SLC1A5: variants seen among roughly 807,000 people sequenced by gnomAD.
SLC1A5 encodes solute carrier family 1 member 5.
A neutral mutation model predicts 34.9 loss-of-function variants in SLC1A5; 25 were observed. The ratio of observed to expected loss-of-function variants is 0.72; its 90% CI spans 0.52 to 1.00. The LOEUF is 1.00. Among genes scored for constraint, SLC1A5 ranks in the 50% least tolerant of loss-of-function variants. The pLI, the probability that SLC1A5 is intolerant of heterozygous loss-of-function variation, is 0.00. For synonymous variants in SLC1A5, 351 were observed against 341.2 expected (o/e 1.03, Z -0.32); for missense variants, 637 against 740.0 (o/e 0.86, Z 1.61).
intron 4 of SLC1A5, among the ~76,000 whole-genome samples, chr19:46,781,968 A>G (rs1241292097): frequency 2.0e-5 from 3 of 152,114 alleles, no homozygotes; most frequent in African/African-American, 7.2e-5. Context: ...ATCTCCGCTT[A>G]CTGCAACTTC....
In SLC1A5 at chr19:46,782,478, C is replaced by T. The variant is rs770651202; in HGVS notation, c.729G>A (p.Val243=). The T allele has an allele frequency of 1.0e-4, 169 of 1,613,972 alleles. 2 individuals are homozygous for T. The highest frequency in any genetic ancestry group is 8.5e-7 in the Non-Finnish European group (1 of 1,180,036). Residue 243 remains valine, a synonymous_variant, in exon 4 of 8, where the codon GTG becomes GTA. Transcript: ENST00000542575. ...CTTCAGGCCCCAGCTTCCGCAGCGC[C>T]ACACCAAAGACGATGGCAAACACTA... is the stretch of plus-strand genomic sequence containing the variant. The part of the protein sequence containing the change: ...GLVVFAIVFG[V]ALRKLGPEGE...
chr19:46,788,360 G>T lies in SLC1A5; in HGVS notation c.-395C>A, dbSNP rs1414763604. On this transcript the variant is annotated 5_prime_UTR_variant, in exon 1 of 8. It adds an upstream start codon to the 5' untranslated region. Transcript: ENST00000542575. ...CAGGAGGCTAGGTTCTGGTGGCGCA[G>T]ATCCCGGACGCCTGGATCCGGGAGG... 1.6e-5 allele frequency: 3 copies of T among 182,476 alleles called. No homozygotes were observed. The highest frequency in any genetic ancestry group is 3.4e-5 in the Non-Finnish European group (3 of 88,832). The allele number at this position is 182,476 out of a possible 1,614,324, so 11.3% of individuals were successfully genotyped here.
In SLC1A5 at chr19:46,777,109, CCT is replaced by C; in HGVS notation, c.1254-2_1254-1del. ...CCACGCTGGACGCTGTGGCCGTGAC[CCT>C]GAGGGAGAAGGTGGGAGGTTAGGCA... On this transcript the variant is annotated splice_acceptor_variant, in intron 6 of 7. Transcript: ENST00000542575. LOFTEE classifies it high-confidence loss of function. 6.2e-7 allele frequency: 1 copy of C among 1,613,442 alleles called. No individual in the cohort carries two copies. The highest frequency in any genetic ancestry group is 8.5e-7 in the Non-Finnish European group (1 of 1,179,780).
intron 4 of SLC1A5, among the ~76,000 whole-genome samples, chr19:46,780,958 C>T (rs1305617864): frequency 6.6e-6 from 1 of 151,812 alleles, no homozygotes; most frequent in African/African-American, 2.4e-5. Flanking sequence ...GGCGACAGAG[C>T]AAGACTCTGT....
intron 4 of SLC1A5, 79 bp downstream of exon 4, chr19:46,782,304 A>T: frequency 7.6e-7 from 1 of 1,316,072 alleles, no homozygotes; most frequent in Non-Finnish European, 1.1e-6. Flanking sequence ...CATCCCAAAC[A>T]GAATGCCCCG....
At position 46,775,288 on chromosome 19, in the gene SLC1A5, G is replaced by T; in HGVS notation, c.*222C>A. On this transcript the variant is annotated 3_prime_UTR_variant, in exon 8 of 8. Transcript: ENST00000542575. ...TGCTGTTTTCTAGCCTTGAGTTGGG[G>T]ACATGAGTGAGAACTGGGGGTTTTG... 7.6e-7 allele frequency: 1 copy of T among 1,308,820 alleles called. No homozygotes were observed. Among genetic ancestry groups the T allele is most frequent in the Non-Finnish European group, 9.7e-7 (1 of 1,027,370 alleles). The allele number at this position is 1,308,820 out of a possible 1,614,324, so 81.1% of individuals were successfully genotyped here. A position where few individuals can be genotyped will look rare whatever the true frequency, so the allele number is the denominator to read the frequency against.
rs1450148070 is a variant in SLC1A5, at chr19:46,788,266, A to G, written c.-301T>C. The G allele has an allele frequency of 5.4e-6, 2 of 372,152 alleles. No homozygotes were observed. The highest frequency in any genetic ancestry group is 9.6e-6 in the Non-Finnish European group (2 of 207,930). The allele number at this position is 372,152 out of a possible 1,614,324, so 23.1% of individuals were successfully genotyped here. On this transcript the variant is annotated 5_prime_UTR_variant, in exon 1 of 8. Transcript: ENST00000542575. ...TGGCCCTAGGAGCTGGGAATACGAG[A>G]GTTTCTCTGGGTGGGACGTGGGGCC...
In SLC1A5 at chr19:46,777,391, G is replaced by C. The variant is rs546396507; in HGVS notation, c.1073C>G (p.Pro358Arg). The change falls in exon 6 of 8, where the codon CCG becomes CGG. Residue 358 changes from proline to arginine, a missense_variant. Transcript: ENST00000542575. ...CTCCTCCACGCACTTCATCATCAGC[G>C]GCAGCGTGGCGGAACTGCAAGGGAT... ...FGTSSSSATLPLMMKCVEENN... is the reference protein window; with the variant it reads ...FGTSSSSATLRLMMKCVEENN... 1 of 1,608,550 alleles carries C rather than the reference G, an allele frequency of 6.2e-7. No homozygotes were observed. The highest frequency in any genetic ancestry group is 8.5e-7 in the Non-Finnish European group (1 of 1,177,446).
In SLC1A5 at chr19:46,782,469, C is replaced by A; in HGVS notation, c.738G>T (p.Arg246=). 1 of 1,614,000 alleles carries A rather than the reference C, an allele frequency of 6.2e-7. No individual in the cohort carries two copies. Among genetic ancestry groups the A allele is most frequent in the Non-Finnish European group, 8.5e-7 (1 of 1,180,006 alleles). The part of the protein sequence containing the change: ...VFAIVFGVAL[R]KLGPEGELLI... Reference sequence around the variant, plus strand: ...GCAGCTCCCCTTCAGGCCCCAGCTTCCGCAGCGCCACACCAAAGACGATGG... The same window carrying A: ...GCAGCTCCCCTTCAGGCCCCAGCTTACGCAGCGCCACACCAAAGACGATGG... Residue 246 remains arginine (R), a synonymous_variant, in exon 4 of 8, where the codon CGG becomes CGT. Coordinates refer to ENST00000542575, the MANE Select transcript of SLC1A5 (RefSeq NM_005628.3).
chr19:46,777,114 G>A lies in SLC1A5; in HGVS notation c.1254-5C>T, dbSNP rs778347809. 3 of 1,613,164 alleles carry A rather than the reference G, an allele frequency of 1.9e-6. No individual in the cohort carries two copies. In the Admixed American group the frequency reaches 5.0e-5, roughly 27 times the overall value. On this transcript the variant is annotated splice_polypyrimidine_tract_variant and splice_region_variant and intron_variant, in intron 6 of 7. Coordinates refer to ENST00000542575, the MANE Select transcript of SLC1A5 (RefSeq NM_005628.3). ...CTGGACGCTGTGGCCGTGACCCTGAGGGAGAAGGTGGGAGGTTAGGCAGAT... is the reference window on the plus strand; with the variant it reads ...CTGGACGCTGTGGCCGTGACCCTGAAGGAGAAGGTGGGAGGTTAGGCAGAT...
In SLC1A5 at chr19:46,782,489, C is replaced by A; in HGVS notation, c.718G>T (p.Val240Phe). The A allele has an allele frequency of 6.2e-7, 1 of 1,613,958 alleles. No individual in the cohort carries two copies. The highest frequency in any genetic ancestry group is 1.1e-5 in the South Asian group (1 of 91,082). The change falls in exon 4 of 8, where the codon GTC becomes TTC. Residue 240 changes from valine to phenylalanine, a missense_variant. Physicochemically the swap from Val to Phe is conservative, Grantham distance 50. Transcript: ENST00000542575. Reference sequence around the variant, plus strand: ...AGCTTCCGCAGCGCCACACCAAAGACGATGGCAAACACTACCAAGCCCAGG... The same window carrying A: ...AGCTTCCGCAGCGCCACACCAAAGAAGATGGCAAACACTACCAAGCCCAGG... ...NILGLVVFAI[V>F]FGVALRKLGP... is the part of the protein sequence containing the mutation.
At chr19:46,778,948 C>G (rs375494557) in intron 4 of SLC1A5, 40 bp from the exon 5 acceptor site, 2 of 1,460,580 alleles carry the variant, frequency 1.4e-6, no homozygotes, top group African/African-American at 1.4e-5. Flanking sequence ...GCCTCTTCCA[C>G]GGGCCCAGTG....
rs201339820 is a variant in SLC1A5, at chr19:46,779,855, CTCTT to C, written c.825-951_825-948del. 6.9e-3 allele frequency among the ~76,000 whole-genome samples: 1,030 copies of C among 148,814 alleles called. 7 individuals are homozygous for C. The highest frequency in any genetic ancestry group is 0.014 in the Admixed American group (213 of 15,072). On this transcript the variant is annotated intron_variant, in intron 4 of 7. Coordinates refer to ENST00000542575, the MANE Select transcript of SLC1A5 (RefSeq NM_005628.3). ...CAAGACCAGCCTGGGCAACATGTCT[CTCTT>C]TTTTTTTTTTTGAGATGGAGTCTCA...
In SLC1A5 at chr19:46,777,081, C is replaced by T; in HGVS notation, c.1282G>A (p.Ala428Thr). Residue 428 changes from alanine to threonine, a missense_variant, in exon 7 of 8, where the codon GCA (alanine) becomes ACA (threonine). By Grantham distance (58) the Ala-to-Thr change is moderately conservative (BLOSUM62 0). Transcript: ENST00000542575. ...ACACCTCCAGCAGGGATGCCCGCTG[C>T]CCCCACGCTGGACGCTGTGGCCGTG... ...LVTATASSVG[A>T]AGIPAGGVLT... 6.2e-7 allele frequency: 1 copy of T among 1,613,920 alleles called. No individual in the cohort carries two copies. The highest frequency in any genetic ancestry group is 1.7e-5 in the Admixed American group (1 of 60,004).
chr19:46,787,711 G>A lies in SLC1A5; in HGVS notation c.255C>T (p.Arg85=), dbSNP rs1393532291. 2 of 1,578,468 alleles carry A rather than the reference G, an allele frequency of 1.3e-6. No individual in the cohort carries two copies. Among genetic ancestry groups the A allele is most frequent in the Admixed American group, 1.8e-5 (1 of 56,030 alleles). Residue 85 remains arginine, a synonymous_variant, in exon 1 of 8, where the codon CGC becomes CGT. Transcript: ENST00000542575. This position sits in a 1 kb window ranked among gnomAD's most constrained non-coding sequence, Gnocchi z 5.2. ...CGCCCGGGAAGACGAAGGCGCTCAA[G>A]CGCTCCGGGCCCAACGCCAGCGCAC... ...AGGALALGPE[R]LSAFVFPGEL... is the part of the protein sequence containing the mutation.
At position 46,778,769 on chromosome 19, in the gene SLC1A5, G is replaced by A. The variant is rs2055120907; in HGVS notation, c.964C>T (p.Pro322Ser). 2.5e-6 allele frequency: 4 copies of A among 1,614,046 alleles called. No individual in the cohort carries two copies. Among genetic ancestry groups the A allele is most frequent in the Non-Finnish European group, 3.4e-6 (4 of 1,179,970 alleles). Residue 322 changes from proline (P) to serine (S), a missense_variant, in exon 5 of 8, where the codon CCC becomes TCC. Pro to Ser is a moderately conservative substitution (Grantham distance 74, BLOSUM62 -1). Transcript: ENST00000542575. ...GHAIHGLLVL[P>S]LIYFLFTRKN... ...CGGGTGAAGAGGAAGTAGATGAGGG[G>A]CAGTACCAGGAGCCCATGGATGGCG...
intron 2 of SLC1A5, 101 bp downstream of exon 2, chr19:46,784,416 A>C: frequency 3.0e-6 from 4 of 1,342,424 alleles, no homozygotes; most frequent in Non-Finnish European, 4.2e-6. Context: ...ATTGACATGC[A>C]TTTTTCCAGG....
chr19:46,782,333 G>A (rs747522111), intron 4 of SLC1A5, 50 bp downstream of exon 4: 25 of 1,325,914 alleles, frequency 1.9e-5, no homozygotes, highest in Non-Finnish European at 1.1e-5. Flanking sequence ...TCTGGCAGCA[G>A]ACCGACCCTC....
At chr19:46,782,338 A>ACCCCCCAACCCCCCCCC in intron 4 of SLC1A5, 45 bp downstream of exon 4, 6 of 1,009,380 alleles carry the variant, frequency 5.9e-6, no homozygotes, top group South Asian at 2.8e-5. Flanking sequence ...CAGCAGACCG[A>ACCCCCCAACCCCCCCCC]CCCTCCAACC....
Sources: gnomAD v4.1 joint callset for allele counts (sites outside exome capture counted in the v4.1 genomes callset) on GRCh38, gnomAD v4.1.1 for gene constraint, Gnocchi (gnomAD v3.1) non-coding constraint, MANE v1.5 for transcripts, NCBI Gene and HGNC (gene_info 2026-07-23, HGNC 2026-07-21) for gene names.